The following CFAP161 variants were observed in gnomAD, a reference collection of about 807,000 sequenced individuals.
The protein encoded by CFAP161 is cilia and flagella associated protein 161.
A neutral mutation model predicts 29.0 loss-of-function variants in CFAP161; 25 were observed. The observed-to-expected ratio is 0.86, with a 90% CI of 0.63 to 1.20. The LOEUF (loss-of-function observed/expected upper bound fraction) is 1.20. Ranked by LOEUF, CFAP161 falls within the 50% of genes most tolerant of loss-of-function variation. CFAP161 has a pLI of 0.00. For synonymous variants in CFAP161, 116 were observed against 137.4 expected (o/e 0.84, Z 1.09); for missense variants, 367 against 371.9 (o/e 0.99, Z 0.11).
At chr15:81,122,482 TC>T (rs1294217070) in intron 1 of CFAP161, among the ~76,000 whole-genome samples, 1 of 136,252 alleles carries the variant, frequency 7.3e-6, no homozygotes, top group African/African-American at 2.6e-5. Flanking sequence ...GATTTTTTTT[TC>T]TTTCTTTCTT....
intron 1 of CFAP161, among the ~76,000 whole-genome samples, chr15:81,122,479 T>TTTTCTTTC (rs1053967668): frequency 6.9e-6 from 1 of 145,746 alleles, no homozygotes; most frequent in Non-Finnish European, 1.5e-5. Context: ...GTTGATTTTT[T>TTTTCTTTC]TTTCTTTCTT....
intron 4 of CFAP161, among the ~76,000 whole-genome samples, chr15:81,141,095 G>C (rs2141882456): frequency 6.6e-6 from 1 of 152,096 alleles, no homozygotes; most frequent in South Asian, 2.1e-4. Context: ...AAGATTACTT[G>C]GTATTATATT....
intron 4 of CFAP161, among the ~76,000 whole-genome samples, chr15:81,143,199 G>C (rs944792282): frequency 2.0e-5 from 3 of 152,136 alleles, no homozygotes; most frequent in African/African-American, 7.2e-5. Context: ...TGCAGTCCCA[G>C]CTACTCGGGA....
chr15:81,133,256 A>T (rs1894748529), upstream of CFAP161, among the ~76,000 whole-genome samples: 1 of 130,346 alleles, frequency 7.7e-6, no homozygotes, highest in Non-Finnish European at 1.6e-5. Flanking sequence ...ATGGGGTCTC[A>T]CTATGTTGCC....
intron 1 of CFAP161, among the ~76,000 whole-genome samples, chr15:81,125,449 T>C (rs1894629034): frequency 6.6e-6 from 1 of 152,216 alleles, no homozygotes; most frequent in Non-Finnish European, 1.5e-5. Context: ...TATAGTTTTG[T>C]AAACTTTGTG....
intron 1 of CFAP161, chr15:81,118,144 G>T: frequency 1.9e-6 from 1 of 517,204 alleles, no homozygotes; most frequent in South Asian, 2.0e-5. Context: ...AAGTTTTTCT[G>T]CAGACATATT....
chr15:81,126,238 T>A (rs1156307499), intron 1 of CFAP161, among the ~76,000 whole-genome samples: 1 of 152,240 alleles, frequency 6.6e-6, no homozygotes, highest in Admixed American at 6.5e-5. Flanking sequence ...TTGTTCACAT[T>A]GCTAAACTTT....
At chr15:81,107,608 C>T (rs1427118888) in intron 1 of CFAP161, among the ~76,000 whole-genome samples, 2 of 152,018 alleles carry the variant, frequency 1.3e-5, no homozygotes, top group African/African-American at 4.8e-5. Context: ...GCCTGTAATC[C>T]CAGCTACTCA....
At chr15:81,120,867 T>C (rs1292829304) in intron 1 of CFAP161, among the ~76,000 whole-genome samples, 1 of 152,180 alleles carries the variant, frequency 6.6e-6, no homozygotes. Flanking sequence ...CTAGATAAAC[T>C]AATTAGATAT....
intron 4 of CFAP161, among the ~76,000 whole-genome samples, chr15:81,142,531 T>C (rs926533251): frequency 7.2e-5 from 11 of 152,160 alleles, no homozygotes; most frequent in African/African-American, 2.7e-4. Context: ...GAAAGCACCG[T>C]GCTCCTACCT....
At chr15:81,143,309 TCAAAA>T (rs200583269) in intron 4 of CFAP161, among the ~76,000 whole-genome samples, 10 of 152,200 alleles carry the variant, frequency 6.6e-5, no homozygotes, top group South Asian at 2.1e-4. Context: ...AGACCCTGTC[TCAAAA>T]CAAAACAAAA....
chr15:81,146,923 G>A (rs56244246), intron 5 of CFAP161, among the ~76,000 whole-genome samples: 1,990 of 129,786 alleles, frequency 0.015, 33 homozygotes, highest in Non-Finnish European at 0.022. Context: ...TGCCCACAAG[G>A]AAATTCCTTG....
chr15:81,114,395 T>C (rs554018226), intron 1 of CFAP161, among the ~76,000 whole-genome samples: 1 of 152,360 alleles, frequency 6.6e-6, no homozygotes, highest in Non-Finnish European at 1.5e-5. Context: ...GTAATCTTTA[T>C]GATAGTGGAG....
intron 1 of CFAP161, among the ~76,000 whole-genome samples, chr15:81,120,267 C>T (rs1038008854): frequency 3.3e-5 from 5 of 152,074 alleles, no homozygotes; most frequent in African/African-American, 1.2e-4. Context: ...GAAATGTAAA[C>T]AAGAAAACTA....
At chr15:81,132,597 A>G (rs1405631011), upstream of CFAP161, among the ~76,000 whole-genome samples, 1 of 152,210 alleles carries the variant, frequency 6.6e-6, no homozygotes, top group Non-Finnish European at 1.5e-5. Flanking sequence ...TATTGGGTCT[A>G]TTATATATAG....
intron 1 of CFAP161, among the ~76,000 whole-genome samples, chr15:81,108,756 T>G (rs1894405057): frequency 6.6e-6 from 1 of 152,176 alleles, no homozygotes; most frequent in African/African-American, 2.4e-5. Context: ...AAATATAAGC[T>G]TTATTTCTCA....
At chr15:81,146,453 T>C (rs1160226691) in intron 5 of CFAP161, among the ~76,000 whole-genome samples, 1 of 152,194 alleles carries the variant, frequency 6.6e-6, no homozygotes, top group East Asian at 1.9e-4. Flanking sequence ...CTTCTTTTTT[T>C]CCATTAAATA....
chr15:81,141,073 C>A (rs1943736876), intron 4 of CFAP161, among the ~76,000 whole-genome samples: 1 of 151,956 alleles, frequency 6.6e-6, no homozygotes. Flanking sequence ...GTCCTTCTGC[C>A]CCTGTGGGGA....
At chr15:81,126,376 T>C (rs1449571772) in intron 1 of CFAP161, among the ~76,000 whole-genome samples, 1 of 152,152 alleles carries the variant, frequency 6.6e-6, no homozygotes, top group East Asian at 1.9e-4. Context: ...GAGTTCAAGG[T>C]TAAAATTTCA....
Sources: allele counts gnomAD v4.1 joint callset (sites outside exome capture counted in the v4.1 genomes callset), GRCh38; gene constraint gnomAD v4.1.1; transcripts MANE v1.5; gene names NCBI Gene and HGNC (gene_info 2026-07-23, HGNC 2026-07-21).